GRIN2A: variants seen among roughly 807,000 people sequenced by gnomAD.
GRIN2A encodes the protein glutamate ionotropic receptor NMDA type subunit 2A, also known as glutamate receptor ionotropic, NMDA 2A.
Under a neutral mutation model 113.4 loss-of-function variants are expected in GRIN2A, and 22 were observed. The observed-to-expected ratio is 0.19, with a 90% CI of 0.14 to 0.28. The LOEUF (loss-of-function observed/expected upper bound fraction) is 0.28. Among genes scored for constraint, GRIN2A ranks in the 10% least tolerant of loss-of-function variants. GRIN2A has a pLI of 1.00. For synonymous variants in GRIN2A, 827 were observed against 738.4 expected (o/e 1.12, Z -1.94); for missense variants, 1,502 against 1,887.0 (o/e 0.80, Z 3.78).
chr16:9,896,823 T>C (rs758706698), intron 3 of GRIN2A, among the ~76,000 whole-genome samples: 47 of 152,222 alleles, frequency 3.1e-4, no homozygotes, highest in Non-Finnish European at 6.2e-4. Flanking sequence ...TTTCTTCCCA[T>C]TTAAACTTGC....
chr16:9,839,980 T>C (rs1352352904), intron 7 of GRIN2A, among the ~76,000 whole-genome samples: 1 of 152,074 alleles, frequency 6.6e-6, no homozygotes, highest in Non-Finnish European at 1.5e-5. Flanking sequence ...TAGCCAGGCA[T>C]GGTGGTGGGC....
At chr16:9,967,218 A>G (rs897939414) in intron 2 of GRIN2A, among the ~76,000 whole-genome samples, 1 of 152,240 alleles carries the variant, frequency 6.6e-6, no homozygotes, top group African/African-American at 2.4e-5. Context: ...CAATGAGTGG[A>G]TCAAGAAAAT....
intron 2 of GRIN2A, among the ~76,000 whole-genome samples, chr16:9,987,398 G>C (rs926103351): frequency 6.6e-6 from 1 of 152,170 alleles, no homozygotes; most frequent in Non-Finnish European, 1.5e-5. Context: ...CTAGAATAAT[G>C]TTGTTTTCTT....
At chr16:10,091,984 A>C (rs2048192341) in intron 2 of GRIN2A, among the ~76,000 whole-genome samples, 1 of 152,222 alleles carries the variant, frequency 6.6e-6, no homozygotes, top group Non-Finnish European at 1.5e-5. Context: ...TCATTGGATT[A>C]TGTATTTACA....
At chr16:9,920,939 A>G (rs980502255) in intron 3 of GRIN2A, among the ~76,000 whole-genome samples, 1 of 152,158 alleles carries the variant, frequency 6.6e-6, no homozygotes, top group South Asian at 2.1e-4. Flanking sequence ...CAGAATTACT[A>G]AGATTCCCTT....
At chr16:10,179,893 C>CCCACAAAAAAA in intron 2 of GRIN2A, 105 bp downstream of exon 2, 1 of 719,818 alleles carries the variant, frequency 1.4e-6, no homozygotes, top group Non-Finnish European at 2.4e-6. Context: ...CCCCCACCCC[C>CCCACAAAAAAA]ACTTCACATC....
In GRIN2A at chr16:10,168,859, G is replaced by T. The variant is rs1160779240; in HGVS notation, c.414+11139C>A. 2.6e-5 allele frequency among the ~76,000 whole-genome samples: 4 copies of T among 152,092 alleles called. No individual in the cohort carries two copies. In the East Asian group the frequency reaches 7.7e-4, roughly 29 times the overall value. On this transcript the variant is annotated intron_variant, in intron 2 of 12. Coordinates refer to ENST00000330684, the MANE Select transcript of GRIN2A (RefSeq NM_001134407.3). The stretch of plus-strand genomic sequence containing the variant: ...AGGTGCCTGTAATCCCAGCTACTCA[G>T]GAGGCTGAGGCAGGAGCATCACTTG...
At chr16:9,937,216 T>C (rs1393783128) in intron 3 of GRIN2A, among the ~76,000 whole-genome samples, 1 of 151,902 alleles carries the variant, frequency 6.6e-6, no homozygotes, top group Non-Finnish European at 1.5e-5. Context: ...CACATTTTTG[T>C]ATTGGGGGTT....
At chr16:9,895,849 T>C (rs2043794915) in intron 3 of GRIN2A, among the ~76,000 whole-genome samples, 1 of 152,222 alleles carries the variant, frequency 6.6e-6, no homozygotes, top group Non-Finnish European at 1.5e-5. Context: ...GGGGTGAATG[T>C]AGTTCAGGTT....
intron 2 of GRIN2A, among the ~76,000 whole-genome samples, chr16:9,979,803 A>G (rs1336984335): frequency 6.9e-6 from 1 of 145,474 alleles, no homozygotes; most frequent in Non-Finnish European, 1.5e-5. Context: ...ATATATATAT[A>G]TATATATATG....
chr16:10,147,900 T>C (rs2049479136), intron 2 of GRIN2A, among the ~76,000 whole-genome samples: 1 of 152,200 alleles, frequency 6.6e-6, no homozygotes, highest in African/African-American at 2.4e-5. Flanking sequence ...TGGTCAGGTG[T>C]GGCCACGACG....
intron 2 of GRIN2A, among the ~76,000 whole-genome samples, chr16:10,059,813 A>G (rs73508648): frequency 0.03 from 4,605 of 152,166 alleles, 247 homozygotes; most frequent in African/African-American, 0.11. Context: ...TGTTTATACA[A>G]TTTTAGATTC....
chr16:10,172,468 C>T (rs768681986), intron 2 of GRIN2A, among the ~76,000 whole-genome samples: 17 of 152,258 alleles, frequency 1.1e-4, no homozygotes, highest in Non-Finnish European at 2.2e-4. Flanking sequence ...TCACCTACAT[C>T]ATAGGCCTCA....
Position 10,112,657 on chromosome 16 carries a change from A to G in GRIN2A, c.414+67341T>C, listed in dbSNP as rs1014475238. On this transcript the variant is annotated intron_variant, in intron 2 of 12. Coordinates refer to ENST00000330684, the MANE Select transcript of GRIN2A (RefSeq NM_001134407.3). The stretch of plus-strand genomic sequence containing the variant: ...GCCATGGAGAAGAGCAGCAGCAGCC[A>G]GAAACGATACTTCAGCGAGGGGGAA... 7.8e-6 allele frequency: 6 copies of G among 764,482 alleles called. No individual in the cohort carries two copies. The African/African-American group carries it at 1.0e-4, about 13-fold the overall frequency. The allele number at this position is 764,482 out of a possible 1,614,324, so 47.4% of individuals were successfully genotyped here.
At chr16:10,151,864 T>A (rs1041424888) in intron 2 of GRIN2A, among the ~76,000 whole-genome samples, 2 of 152,212 alleles carry the variant, frequency 1.3e-5, no homozygotes, top group Non-Finnish European at 2.9e-5. Flanking sequence ...AGCCTCTGTC[T>A]GACCTCCGAC....
At chr16:9,896,651 C>T (rs2043813269) in intron 3 of GRIN2A, among the ~76,000 whole-genome samples, 1 of 151,978 alleles carries the variant, frequency 6.6e-6, no homozygotes, top group African/African-American at 2.4e-5. Context: ...TTGTCTTTTT[C>T]TATTAAAAGT....
At chr16:10,063,683 A>G (rs2047593393) in intron 2 of GRIN2A, among the ~76,000 whole-genome samples, 1 of 152,222 alleles carries the variant, frequency 6.6e-6, no homozygotes, top group South Asian at 2.1e-4. Context: ...TACATGTTAC[A>G]GGTAGGTTTG....
Position 9,932,206 on chromosome 16 carries a change from C to A in GRIN2A, c.1007+5753G>T, listed in dbSNP as rs866669565. ...AAACAATAGATGAATGACAGCCCTG[C>A]CCCGCCTGATAATCACATGATGGCC... is the stretch of plus-strand genomic sequence containing the variant. On this transcript the variant is annotated intron_variant, in intron 3 of 12. Transcript: ENST00000330684. 2.4e-4 allele frequency among the ~76,000 whole-genome samples: 37 copies of A among 152,314 alleles called. No individual in the cohort carries two copies. In the Middle Eastern group the frequency reaches 0.01, roughly 42 times the overall value.
rs541395986 is a variant in GRIN2A at position 10,017,572 on chromosome 16, C to G, written c.415-79021G>C. On this transcript the variant is annotated intron_variant, in intron 2 of 12. Coordinates refer to ENST00000330684, the MANE Select transcript of GRIN2A (RefSeq NM_001134407.3). Reference sequence around the variant, plus strand: ...CTGAGAAATATGAACAGTAACAGTTCCCAGCTATTGTGAGTTGTTGTGGGG... The same window carrying G: ...CTGAGAAATATGAACAGTAACAGTTGCCAGCTATTGTGAGTTGTTGTGGGG... Among the ~76,000 whole-genome samples, 126 of 152,138 alleles carry G rather than the reference C, an allele frequency of 8.3e-4. 1 individual carries two copies. The highest frequency in any genetic ancestry group is 3.0e-3 in the African/African-American group (123 of 41,490).
Sources: gnomAD v4.1 joint callset for allele counts (sites outside exome capture counted in the v4.1 genomes callset) on GRCh38, gnomAD v4.1.1 for gene constraint, MANE v1.5 for transcripts, NCBI Gene and HGNC (gene_info 2026-07-23, HGNC 2026-07-21) for gene names.